Variants in PPARGC1B observed in about 807,000 individuals in gnomAD.
PPARGC1B encodes the protein PPARG coactivator 1 beta.
In PPARGC1B, 34 loss-of-function variants were observed where a neutral mutation model predicts 101.6. That is an observed-to-expected ratio of 0.33 (90% CI 0.25 to 0.45). The LOEUF is 0.45. Ranked by LOEUF, PPARGC1B falls within the 20% of genes least tolerant of loss-of-function variation. The pLI, the probability that PPARGC1B is intolerant of heterozygous loss-of-function variation, is 1.00. For missense variants in PPARGC1B, 1,234 were observed against 1,317.6 expected, an observed-to-expected ratio of 0.94 and a Z score of 0.98; for synonymous variants, 548 against 539.3, an observed-to-expected ratio of 1.02 and a Z score of -0.22.
At position 149,802,822 on chromosome 5, in the gene PPARGC1B, T is replaced by A. The variant is rs1484631998; in HGVS notation, c.79-17611T>A. Among the ~76,000 whole-genome samples the A allele has an allele frequency of 3.3e-5, 5 of 152,112 alleles. No homozygotes were observed. In the South Asian group the frequency reaches 8.3e-4, roughly 25 times the overall value. Reference sequence around the variant, plus strand: ...CTGAGTATTTTGTTAAAATGCAGATTCTGATTCAGGAGGTCTGGGATGAGT... The same window carrying A: ...CTGAGTATTTTGTTAAAATGCAGATACTGATTCAGGAGGTCTGGGATGAGT... On this transcript the variant is annotated intron_variant, in intron 1 of 11. Transcript: ENST00000309241.
intron 1 of PPARGC1B, among the ~76,000 whole-genome samples, chr5:149,736,772 A>AT (rs1468058056): frequency 6.6e-6 from 1 of 151,628 alleles, no homozygotes; most frequent in Non-Finnish European, 1.5e-5. Context: ...TTAAGACTTT[A>AT]TTTTTTTAGA....
chr5:149,734,553 T>C (rs1157321358), intron 1 of PPARGC1B, among the ~76,000 whole-genome samples: 1 of 152,192 alleles, frequency 6.6e-6, no homozygotes, highest in Non-Finnish European at 1.5e-5. Context: ...ATTTACGTTG[T>C]TTAATTTTTT....
chr5:149,732,442 T>G (rs1188718301), intron 1 of PPARGC1B, among the ~76,000 whole-genome samples: 2 of 152,266 alleles, frequency 1.3e-5, no homozygotes, highest in Non-Finnish European at 2.9e-5. Context: ...TCTTCAGTGT[T>G]TGGCTCAGCA....
downstream of PPARGC1B, among the ~76,000 whole-genome samples, chr5:149,855,370 G>A (rs79119272): frequency 0.027 from 4,118 of 152,286 alleles, 198 homozygotes; most frequent in African/African-American, 0.093. Context: ...CATAACAGCT[G>A]TTCCATGAAC....
intron 1 of PPARGC1B, among the ~76,000 whole-genome samples, chr5:149,760,162 G>A (rs375089823): frequency 5.3e-4 from 80 of 152,292 alleles, no homozygotes; most frequent in African/African-American, 8.4e-4. Flanking sequence ...CCATGGACAC[G>A]AATGTGAACA....
At chr5:149,804,593 AC>A (rs1426897324) in intron 1 of PPARGC1B, among the ~76,000 whole-genome samples, 1 of 152,080 alleles carries the variant, frequency 6.6e-6, no homozygotes, top group African/African-American at 2.4e-5. Context: ...AATCGCTTGA[AC>A]CCAGGAGACA....
At chr5:149,763,372 A>G (rs987537414) in intron 1 of PPARGC1B, among the ~76,000 whole-genome samples, 8 of 152,282 alleles carry the variant, frequency 5.3e-5, no homozygotes, top group South Asian at 2.1e-4. Context: ...GCTGTTGGTC[A>G]TGAAGAGTGG....
In PPARGC1B at chr5:149,833,786, G is replaced by T. The variant is rs758547566; in HGVS notation, c.1705+8G>T. On this transcript the variant is annotated splice_region_variant and intron_variant, in intron 5 of 11. Coordinates refer to ENST00000309241, the MANE Select transcript of PPARGC1B (RefSeq NM_133263.4). This position sits in a 1 kb window ranked among gnomAD's most constrained non-coding sequence, Gnocchi z 4.1. ...CGCAGCTCCCTCCCAGAGGTAGTCA[G>T]AGTTGGTGGTCTGCGAAGTGGGGGC... 1.3e-6 allele frequency: 2 copies of T among 1,492,276 alleles called. No homozygotes were observed. Among genetic ancestry groups the T allele is most frequent in the East Asian group, 4.7e-5 (2 of 42,688 alleles). 92.4% of individuals were successfully genotyped at this position (1,492,276 alleles called of 1,614,324 possible). A position where few individuals can be genotyped will look rare whatever the true frequency, so the allele number is the denominator to read the frequency against.
At chr5:149,844,076 T>C (rs554062529) in intron 10 of PPARGC1B, among the ~76,000 whole-genome samples, 42 of 152,344 alleles carry the variant, frequency 2.8e-4, no homozygotes, top group African/African-American at 9.4e-4. Context: ...TGCACAGCAA[T>C]ATGAGTATAC....
At chr5:149,732,615 G>C (rs1260116863) in intron 1 of PPARGC1B, among the ~76,000 whole-genome samples, 1 of 152,232 alleles carries the variant, frequency 6.6e-6, no homozygotes, top group East Asian at 1.9e-4. Flanking sequence ...GACAGGCCGA[G>C]GATCTTCTGG....
intron 1 of PPARGC1B, among the ~76,000 whole-genome samples, chr5:149,807,831 G>A (rs1313210640): frequency 2.0e-5 from 3 of 152,092 alleles, no homozygotes; most frequent in Non-Finnish European, 4.4e-5. Flanking sequence ...ACTAAATGGC[G>A]TGACCCGAGA....
chr5:149,737,749 T>C (rs905231716), intron 1 of PPARGC1B, among the ~76,000 whole-genome samples: 3 of 152,226 alleles, frequency 2.0e-5, no homozygotes, highest in Non-Finnish European at 4.4e-5. Flanking sequence ...ATCCCAGCGC[T>C]TTGGGAGGCT....
At chr5:149,763,975 C>T (rs1755815133) in intron 1 of PPARGC1B, among the ~76,000 whole-genome samples, 1 of 152,064 alleles carries the variant, frequency 6.6e-6, no homozygotes, top group African/African-American at 2.4e-5. Context: ...CCACTGGGCC[C>T]AGCCACTCCT....
chr5:149,772,660 A>G (rs1440975531), intron 1 of PPARGC1B, among the ~76,000 whole-genome samples: 1 of 152,192 alleles, frequency 6.6e-6, no homozygotes, highest in East Asian at 1.9e-4. Context: ...GGCACCAGTC[A>G]TATTAAATTA....
At chr5:149,809,481 GATAGA>G (rs1378537266) in intron 1 of PPARGC1B, among the ~76,000 whole-genome samples, 1 of 24,892 alleles carries the variant, frequency 4.0e-5, no homozygotes, top group Non-Finnish European at 9.7e-5. Flanking sequence ...CTCTACCATA[GATAGA>G]TAGATAGATA....
In PPARGC1B at chr5:149,833,341, C is replaced by A; in HGVS notation, c.1268C>A (p.Pro423His). ...RLEVKREVRR[P>H]ARLQQQEEED... ...GAGGTGAAAAGGGAGGTCCGCCGGC[C>A]TGCCAGACTGCAGCAGCAGGAGGAG... The change falls in exon 5 of 12, where the codon CCT (proline) becomes CAT (histidine). Residue 423 changes from proline (P) to histidine (H), a missense_variant. By Grantham distance (77) the Pro-to-His change is moderately conservative. Coordinates refer to ENST00000309241, the MANE Select transcript of PPARGC1B (RefSeq NM_133263.4). This position sits in a 1 kb window ranked among gnomAD's most constrained non-coding sequence, Gnocchi z 4.1. The A allele has an allele frequency of 1.9e-6, 3 of 1,613,440 alleles. No individual in the cohort carries two copies. The highest frequency in any genetic ancestry group is 2.5e-6 in the Non-Finnish European group (3 of 1,180,026).
Position 149,831,925 on chromosome 5 carries a change from A to G in PPARGC1B, c.583-731A>G, listed in dbSNP as rs541803390. Among the ~76,000 whole-genome samples the G allele has an allele frequency of 1.8e-4, 28 of 152,332 alleles. No individual in the cohort carries two copies. The East Asian group carries it at 3.7e-3, about 20-fold the overall frequency. On this transcript the variant is annotated intron_variant, in intron 4 of 11. Transcript: ENST00000309241. ...AACTTTATTGAAGTGCAATTTACATACATAAAAGCCACCTATTGTAAACAA... is the reference window on the plus strand; with the variant it reads ...AACTTTATTGAAGTGCAATTTACATGCATAAAAGCCACCTATTGTAAACAA...
In PPARGC1B at chr5:149,833,481, G is replaced by C; in HGVS notation, c.1408G>C (p.Glu470Gln). 1 of 1,566,784 alleles carries C rather than the reference G, an allele frequency of 6.4e-7. No individual in the cohort carries two copies. The highest frequency in any genetic ancestry group is 1.2e-5 in the South Asian group (1 of 85,956). ...LPWTKLGRKL[E>Q]SSVCPVRRSR... Reference sequence around the variant, plus strand: ...ATGGACGAAGCTGGGGAGGAAGCTGGAGAGCTCTGTGTGCCCCGTGCGGCG... The same window carrying C: ...ATGGACGAAGCTGGGGAGGAAGCTGCAGAGCTCTGTGTGCCCCGTGCGGCG... Residue 470 changes from glutamate to glutamine, a missense_variant, in exon 5 of 12, where the codon GAG becomes CAG. Physicochemically the swap from Glu to Gln is conservative, Grantham distance 29. Around this residue, in one of 3 missense-constraint regions of PPARGC1B, gnomAD observed 734 missense variants for 768.4 expected, o/e 0.96. Transcript: ENST00000309241. The surrounding 1 kb of genome is among the most constrained non-coding windows in gnomAD (Gnocchi z 4.1).
chr5:149,847,238 A>C, intron 11 of PPARGC1B: 1 of 683,756 alleles, frequency 1.5e-6, no homozygotes, highest in East Asian at 2.7e-5. Flanking sequence ...AGGTCTCTAG[A>C]TAGGACAGCC....
Sources: gnomAD v4.1 joint callset for allele counts (sites outside exome capture counted in the v4.1 genomes callset) on GRCh38, gnomAD v4.1.1 for gene constraint, gnomAD v4.1.1 regional missense constraint, Gnocchi (gnomAD v3.1) non-coding constraint, MANE v1.5 for transcripts, NCBI Gene and HGNC (gene_info 2026-07-23, HGNC 2026-07-21) for gene names.